The following FREM1 variants were observed in gnomAD, a reference collection of about 807,000 sequenced individuals.
FREM1 encodes FRAS1-related extracellular matrix protein 1.
Under a neutral mutation model 210.1 loss-of-function variants are expected in FREM1, and 220 were observed. The observed-to-expected ratio is 1.05, with a 90% confidence interval of 0.94 to 1.17. The LOEUF (loss-of-function observed/expected upper bound fraction) is 1.17. FREM1 is among the 50% of genes most tolerant of loss of function. The pLI, the probability that FREM1 is intolerant of heterozygous loss-of-function variation, is 0.00. For missense variants in FREM1, 3,454 were observed against 2,675.5 expected, an observed-to-expected ratio of 1.29 and a Z score of -6.42; for synonymous variants, 1,189 against 980.2, an observed-to-expected ratio of 1.21 and a Z score of -3.98.
At chr9:14,901,486 T>C (rs576387031) in intron 1 of FREM1, among the ~76,000 whole-genome samples, 81 of 152,250 alleles carry the variant, frequency 5.3e-4, no homozygotes, top group African/African-American at 1.9e-3. Flanking sequence ...TCCAGCTTTC[T>C]CCATGGGATA....
At chr9:14,873,959 T>G (rs1390196211) in intron 1 of FREM1, among the ~76,000 whole-genome samples, 1 of 152,198 alleles carries the variant, frequency 6.6e-6, no homozygotes, top group Non-Finnish European at 1.5e-5. Flanking sequence ...TTGTTCAGTT[T>G]CCATGTAGTT....
Position 14,770,245 on chromosome 9 carries a change from A to T in FREM1, c.5059+360T>A, listed in dbSNP as rs571801556. On this transcript the variant is annotated intron_variant, in intron 26 of 36. Coordinates refer to ENST00000380880, the MANE Select transcript of FREM1 (RefSeq NM_001379081.2). ...ATTAGGAAAAAAACCAAGAACTTTT[A>T]AAAAAAGATCTGACATCATTTAGAG... is the stretch of plus-strand genomic sequence containing the variant. Among the ~76,000 whole-genome samples the T allele has an allele frequency of 2.6e-5, 4 of 152,302 alleles. No individual in the cohort carries two copies. In the South Asian group the frequency reaches 6.2e-4, roughly 24 times the overall value.
intron 25 of FREM1, among the ~76,000 whole-genome samples, chr9:14,774,717 T>G (rs1011235090): frequency 1.3e-5 from 2 of 152,098 alleles, no homozygotes; most frequent in Admixed American, 6.5e-5. Flanking sequence ...AGAATATACT[T>G]GATGTGTTTT....
intron 4 of FREM1, among the ~76,000 whole-genome samples, chr9:14,858,938 T>G (rs1471766707): frequency 1.3e-5 from 2 of 152,186 alleles, no homozygotes; most frequent in Non-Finnish European, 2.9e-5. Context: ...CTATTTTCCT[T>G]TCTCATTTTA....
chr9:14,885,383 G>C (rs902102295), intron 1 of FREM1, among the ~76,000 whole-genome samples: 1 of 151,912 alleles, frequency 6.6e-6, no homozygotes, highest in African/African-American at 2.4e-5. Flanking sequence ...ATTTTTAATT[G>C]AAAAATAAAA....
chr9:14,837,973 C>T (rs1824940502), intron 10 of FREM1, among the ~76,000 whole-genome samples: 2 of 152,144 alleles, frequency 1.3e-5, no homozygotes. Context: ...TAATAATAGC[C>T]ATGGTTATTA....
At chr9:14,757,280 C>T (rs1844574824) in intron 28 of FREM1, among the ~76,000 whole-genome samples, 1 of 152,298 alleles carries the variant, frequency 6.6e-6, no homozygotes, top group East Asian at 1.9e-4. Context: ...CTTGAGCCGG[C>T]ACGGTGGCTC....
At position 14,860,563 on chromosome 9, in the gene FREM1, A is replaced by ATGTG. The variant is rs1564098823; in HGVS notation, c.330-1080_330-1079insCACA. Among the ~76,000 whole-genome samples the ATGTG allele has an allele frequency of 5.5e-3, 688 of 124,662 alleles. 26 individuals are homozygous for ATGTG. Among genetic ancestry groups the ATGTG allele is most frequent in the African/African-American group, 0.022 (630 of 28,604 alleles). The allele number at this position is 124,662 out of a possible 152,430, so 81.8% of individuals were successfully genotyped here. On this transcript the variant is annotated intron_variant, in intron 3 of 36. Coordinates refer to ENST00000380880, the MANE Select transcript of FREM1 (RefSeq NM_001379081.2). The stretch of plus-strand genomic sequence containing the variant: ...TATATACACATATATATACACACAT[A>ATGTG]TATATACACATATATATACACATAT...
At chr9:14,851,172 A>G in intron 6 of FREM1, 112 bp downstream of exon 6, 3 of 795,530 alleles carry the variant, frequency 3.8e-6, no homozygotes, top group East Asian at 5.2e-5. Context: ...ACAGTGATTG[A>G]TTCTTTTCTG....
chr9:14,830,406 A>C (rs1055202203), intron 10 of FREM1, among the ~76,000 whole-genome samples: 1 of 152,172 alleles, frequency 6.6e-6, no homozygotes, highest in African/African-American at 2.4e-5. Context: ...CTAGTTTTCT[A>C]CTGTTTGCCT....
At chr9:14,823,637 C>A (rs1821787003) in intron 12 of FREM1, among the ~76,000 whole-genome samples, 1 of 152,074 alleles carries the variant, frequency 6.6e-6, no homozygotes, top group South Asian at 2.1e-4. Context: ...TCCTTTATGT[C>A]CTGGCAGTTT....
At position 14,812,833 on chromosome 9, in the gene FREM1, C is replaced by A. The variant is rs773785545; in HGVS notation, c.2872G>T (p.Ala958Ser). The change falls in exon 16 of 37, where the codon GCC (alanine) becomes TCC (serine). Residue 958 changes from alanine (A) to serine (S), a missense_variant. Physicochemically the swap from Ala to Ser is moderately conservative, Grantham distance 99. Coordinates refer to ENST00000380880, the MANE Select transcript of FREM1 (RefSeq NM_001379081.2). Reference protein sequence around the residue: ...QFSQRDVISEAVTYKHTGGEI... With the variant: ...QFSQRDVISESVTYKHTGGEI... The stretch of plus-strand genomic sequence containing the variant: ...TTACCTGTGTGTTTGTATGTCACGG[C>A]CTCTGAGATAACATCTCTCTGAGAG... 1.1e-5 allele frequency: 17 copies of A among 1,611,868 alleles called. No individual in the cohort carries two copies. The Admixed American group carries it at 1.5e-4, about 14-fold the overall frequency.
chr9:14,754,001 G>A (rs1443303749), intron 29 of FREM1, among the ~76,000 whole-genome samples: 3 of 152,108 alleles, frequency 2.0e-5, no homozygotes, highest in Non-Finnish European at 4.4e-5. Context: ...AGACAAATGG[G>A]TATTTATCTT....
chr9:14,804,694 G>C (rs188995720), intron 19 of FREM1, among the ~76,000 whole-genome samples: 1 of 152,302 alleles, frequency 6.6e-6, no homozygotes, highest in East Asian at 1.9e-4. Context: ...CAAGACAATG[G>C]AGGTAGGTAT....
In FREM1 at chr9:14,801,697, T is replaced by C; in HGVS notation, c.3649A>G (p.Lys1217Glu). The C allele has an allele frequency of 6.2e-7, 1 of 1,613,980 alleles. No homozygotes were observed. The highest frequency in any genetic ancestry group is 8.5e-7 in the Non-Finnish European group (1 of 1,179,862). The change falls in exon 20 of 37, where the codon AAA becomes GAA. Residue 1217 changes from lysine to glutamate, a missense_variant. Lys to Glu is a moderately conservative substitution (Grantham distance 56). Transcript: ENST00000380880. ...ENKQPANPHQ[K>E]HAPVHSFSME... ...GAAAAGCTGTGAACAGGTGCATGTT[T>C]CTGGTGAGGGTTGGCTGGCTGCTTA...
At position 14,825,013 on chromosome 9, in the gene FREM1, C is replaced by T. The variant is rs879557443; in HGVS notation, c.1882-21G>A. ...GCCACCTGGAATAAAAATGTCTGTA[C>T]CATTAATTTGAAATACCAAAAAAAC... is the stretch of plus-strand genomic sequence containing the variant. On this transcript the variant is annotated intron_variant, in intron 10 of 36. Transcript: ENST00000380880. 3 of 1,532,642 alleles carry T rather than the reference C, an allele frequency of 2.0e-6. No homozygotes were observed. The Admixed American group carries it at 7.1e-5, about 36-fold the overall frequency. 94.9% of individuals were successfully genotyped at this position (1,532,642 alleles called of 1,614,324 possible). A position where few individuals can be genotyped will look rare whatever the true frequency, so the allele number is the denominator to read the frequency against.
At chr9:14,815,467 G>C (rs988542239) in intron 15 of FREM1, among the ~76,000 whole-genome samples, 2 of 152,100 alleles carry the variant, frequency 1.3e-5, no homozygotes, top group African/African-American at 4.8e-5. Context: ...CCAACAGAAA[G>C]AAAAATAATC....
intron 24 of FREM1, among the ~76,000 whole-genome samples, chr9:14,781,310 T>C (rs1278577713): frequency 6.6e-6 from 1 of 152,252 alleles, no homozygotes; most frequent in Non-Finnish European, 1.5e-5. Context: ...CTAGCTTTCC[T>C]ATGTGTAAAT....
intron 1 of FREM1, among the ~76,000 whole-genome samples, chr9:14,893,821 C>A (rs1441309392): frequency 1.3e-5 from 2 of 149,354 alleles, no homozygotes; most frequent in East Asian, 3.9e-4. Flanking sequence ...AAGCTTTAAG[C>A]AAGTTGTGGA....
Sources: allele counts gnomAD v4.1 joint callset (sites outside exome capture counted in the v4.1 genomes callset), GRCh38; gene constraint gnomAD v4.1.1; transcripts MANE v1.5; gene names NCBI Gene and HGNC (gene_info 2026-07-23, HGNC 2026-07-21).